SLC35F3: variants seen among roughly 807,000 people sequenced by gnomAD.
SLC35F3 encodes solute carrier family 35 member F3, also known as putative thiamine transporter SLC35F3.
A neutral mutation model predicts 49.9 loss-of-function variants in SLC35F3; 25 were observed. The observed-to-expected ratio is 0.50, with a 90% CI of 0.37 to 0.70. The LOEUF (loss-of-function observed/expected upper bound fraction) is 0.70. Among genes scored for constraint, SLC35F3 ranks in the 30% least tolerant of loss-of-function variants. SLC35F3 has a pLI of 0.00. For synonymous variants in SLC35F3, 275 were observed against 265.4 expected (o/e 1.04, Z -0.35); for missense variants, 525 against 639.8 (o/e 0.82, Z 1.94).
At chr1:234,206,932 CG>C (rs1666979565) in intron 2 of SLC35F3, among the ~76,000 whole-genome samples, 1 of 152,058 alleles carries the variant, frequency 6.6e-6, no homozygotes, top group Non-Finnish European at 1.5e-5. Flanking sequence ...CAAATCCGGA[CG>C]TCTTCCTCCG....
Position 234,177,053 on chromosome 1 carries a change from A to G in SLC35F3, c.284-54364A>G, listed in dbSNP as rs560412028. Among the ~76,000 whole-genome samples, 227 of 152,224 alleles carry G rather than the reference A, an allele frequency of 1.5e-3. 1 individual carries two copies. The highest frequency in any genetic ancestry group is 2.7e-3 in the Non-Finnish European group (185 of 68,018). ...ACAATTCCCACATGTCATGGGAGGA[A>G]CCCAGCGGGAGGTGAGTGAATCATG... On this transcript the variant is annotated intron_variant, in intron 2 of 7. Coordinates refer to ENST00000366618, the MANE Select transcript of SLC35F3 (RefSeq NM_173508.4).
chr1:234,124,330 C>T (rs138019997), intron 2 of SLC35F3, among the ~76,000 whole-genome samples: 119 of 152,298 alleles, frequency 7.8e-4, no homozygotes, highest in African/African-American at 2.5e-3. Context: ...GCCTTCTAAT[C>T]GGTATTCCCA....
intron 3 of SLC35F3, among the ~76,000 whole-genome samples, chr1:234,267,224 G>A (rs1335994107): frequency 8.2e-6 from 1 of 122,040 alleles, no homozygotes; most frequent in Non-Finnish European, 1.7e-5. Context: ...GGATCCCAAG[G>A]CAGAAGAATT....
chr1:234,246,911 G>T (rs1667639702), intron 3 of SLC35F3, among the ~76,000 whole-genome samples: 1 of 152,186 alleles, frequency 6.6e-6, no homozygotes, highest in East Asian at 1.9e-4. Flanking sequence ...GTGTCGGTCG[G>T]GGGTAAGGCC....
At chr1:234,066,408 G>A (rs1015099013) in intron 2 of SLC35F3, among the ~76,000 whole-genome samples, 4 of 151,886 alleles carry the variant, frequency 2.6e-5, no homozygotes, top group Non-Finnish European at 5.9e-5. Context: ...CCCCAACTAC[G>A]CTGGCCTCAT....
At chr1:233,980,324 G>C (rs554092371) in intron 2 of SLC35F3, among the ~76,000 whole-genome samples, 1 of 152,222 alleles carries the variant, frequency 6.6e-6, no homozygotes, top group Non-Finnish European at 1.5e-5. Flanking sequence ...CAGTGTTGAT[G>C]ATGATGATGC....
At chr1:234,140,502 G>A (rs554077970) in intron 2 of SLC35F3, among the ~76,000 whole-genome samples, 2 of 152,272 alleles carry the variant, frequency 1.3e-5, no homozygotes, top group Admixed American at 1.3e-4. Context: ...ATTCGGTACT[G>A]GCCAGTTTCA....
At chr1:234,081,709 C>T (rs1664878060) in intron 2 of SLC35F3, among the ~76,000 whole-genome samples, 1 of 151,712 alleles carries the variant, frequency 6.6e-6, no homozygotes, top group Non-Finnish European at 1.5e-5. Context: ...AGGTGTGGAC[C>T]CCTGGGGCAA....
intron 2 of SLC35F3, among the ~76,000 whole-genome samples, chr1:233,971,379 A>C (rs1347645268): frequency 6.6e-6 from 1 of 152,222 alleles, no homozygotes; most frequent in Non-Finnish European, 1.5e-5. Flanking sequence ...AGGAGGAAAA[A>C]ACTGCTCTTC....
chr1:234,322,836 C>T (rs1657658556), intron 7 of SLC35F3, among the ~76,000 whole-genome samples, 172 bp from the exon 8 acceptor site: 1 of 152,092 alleles, frequency 6.6e-6, no homozygotes, highest in South Asian at 2.1e-4. Context: ...GGGTTGTTTA[C>T]TAGAGGTAAC....
intron 2 of SLC35F3, among the ~76,000 whole-genome samples, chr1:233,983,879 A>C (rs1484292431): frequency 6.6e-6 from 1 of 152,222 alleles, no homozygotes; most frequent in African/African-American, 2.4e-5. Flanking sequence ...ATTTGGAATC[A>C]GTGCTTCCTG....
At chr1:233,990,185 C>T (rs369559796) in intron 2 of SLC35F3, among the ~76,000 whole-genome samples, 9 of 152,086 alleles carry the variant, frequency 5.9e-5, no homozygotes, top group Admixed American at 2.6e-4. Flanking sequence ...TATGTTTTAG[C>T]GGTTTCACAA....
intron 3 of SLC35F3, chr1:234,285,596 CTTAT>C: frequency 3.7e-6 from 1 of 273,356 alleles, no homozygotes; most frequent in South Asian, 3.8e-5. Context: ...ATTCCTAAGA[CTTAT>C]TTGTGATATT....
intron 2 of SLC35F3, among the ~76,000 whole-genome samples, chr1:234,041,512 G>A (rs968003088): frequency 6.6e-6 from 1 of 151,924 alleles, no homozygotes; most frequent in Non-Finnish European, 1.5e-5. Context: ...TGAAGTTTGA[G>A]AGCATACATG....
chr1:233,914,488 G>A (rs1661935354), intron 2 of SLC35F3, among the ~76,000 whole-genome samples: 1 of 152,180 alleles, frequency 6.6e-6, no homozygotes, highest in African/African-American at 2.4e-5. Flanking sequence ...TGCTAAGTGA[G>A]CAGAAACCAG....
At chr1:234,060,352 T>TA (rs1175971296) in intron 2 of SLC35F3, among the ~76,000 whole-genome samples, 5 of 152,232 alleles carry the variant, frequency 3.3e-5, no homozygotes, top group Non-Finnish European at 7.3e-5. Flanking sequence ...TTCTAACTAT[T>TA]ATTGTTGAAT....
chr1:233,914,094 C>T (rs1307182658), intron 2 of SLC35F3, among the ~76,000 whole-genome samples: 3 of 152,112 alleles, frequency 2.0e-5, no homozygotes, highest in Non-Finnish European at 2.9e-5. Flanking sequence ...CTACATCCTC[C>T]GTTTGGGCCC....
At position 233,905,675 on chromosome 1, in the gene SLC35F3, C is replaced by T. The variant is rs756231733; in HGVS notation, c.200C>T (p.Pro67Leu). The T allele has an allele frequency of 1.3e-5, 21 of 1,614,080 alleles. No homozygotes were observed. In the East Asian group the frequency reaches 4.5e-4, roughly 34 times the overall value. Residue 67 changes from proline to leucine, a missense_variant, in exon 2 of 8, where the codon CCG (proline) becomes CTG (leucine). By Grantham distance (98) the Pro-to-Leu change is moderately conservative. Transcript: ENST00000366618. ...TCCGTGGAGGATCTCACCAGCGGGC[C>T]GGTGGGGCTCACGTCCATCGAGGAG... Reference protein sequence around the residue: ...SRSVEDLTSGPVGLTSIEERI... With the variant: ...SRSVEDLTSGLVGLTSIEERI...
intron 2 of SLC35F3, among the ~76,000 whole-genome samples, chr1:233,996,202 A>T (rs539987444): frequency 7.9e-5 from 12 of 152,338 alleles, no homozygotes; most frequent in African/African-American, 2.9e-4. Flanking sequence ...CAGACTTAAA[A>T]AATTATCGTT....
Sources: allele counts gnomAD v4.1 joint callset (sites outside exome capture counted in the v4.1 genomes callset), GRCh38; gene constraint gnomAD v4.1.1; transcripts MANE v1.5; gene names NCBI Gene and HGNC (gene_info 2026-07-23, HGNC 2026-07-21).